The following STAT3 variants were observed in gnomAD, a reference collection of about 807,000 sequenced individuals.
The protein encoded by STAT3 is DNA-binding protein APRF.
STAT3 carries 7 observed loss-of-function variants against 114.3 expected under a neutral mutation model. That is an observed-to-expected ratio of 0.06 (90% confidence interval 0.03 to 0.11). The LOEUF (loss-of-function observed/expected upper bound fraction) is 0.11, where lower values mean the gene tolerates loss of function less well. Ranked by LOEUF, STAT3 falls within the 10% of genes least tolerant of loss-of-function variation. The pLI, the probability that STAT3 is intolerant of heterozygous loss-of-function variation, is 1.00. For synonymous variants in STAT3, 331 were observed against 354.5 expected (o/e 0.93, Z 0.74); for missense variants, 364 against 960.9 (o/e 0.38, Z 8.21).
Position 42,314,437 on chromosome 17 carries a change from C to T in STAT3, c.*1308G>A, listed in dbSNP as rs756528147. ...AAACAGGATGAGGGACCTTTAGACA[C>T]GCAAGGAGACATGCCTCTAGCAGGA... On this transcript the variant is annotated 3_prime_UTR_variant, in exon 24 of 24. Transcript: ENST00000264657. 8.9e-6 allele frequency: 2 copies of T among 223,516 alleles called. No homozygotes were observed. Among genetic ancestry groups the T allele is most frequent in the African/African-American group, 2.3e-5 (1 of 43,972 alleles). The allele number at this position is 223,516 out of a possible 1,614,324, so 13.8% of individuals were successfully genotyped here. A position where few individuals can be genotyped will look rare whatever the true frequency, so the allele number is the denominator to read the frequency against.
Position 42,346,823 on chromosome 17 carries a change from A to G in STAT3, c.129-110T>C, listed in dbSNP as rs1004677259. 9.8e-5 allele frequency: 141 copies of G among 1,432,120 alleles called. 1 individual carries two copies. In the Middle Eastern group the frequency reaches 4.9e-3, roughly 50 times the overall value. The allele number at this position is 1,432,120 out of a possible 1,614,324, so 88.7% of individuals were successfully genotyped here. ...AAAACAAAAAAACAAAGCAAACCTGATGCTATAACCCATTCATCATGTTAG... is the reference window on the plus strand; with the variant it reads ...AAAACAAAAAAACAAAGCAAACCTGGTGCTATAACCCATTCATCATGTTAG... On this transcript the variant is annotated intron_variant, in intron 2 of 23. Transcript: ENST00000264657.
intron 8 of STAT3, among the ~76,000 whole-genome samples, chr17:42,335,111 C>T (rs1450951810): frequency 6.6e-6 from 1 of 151,072 alleles, no homozygotes; most frequent in Non-Finnish European, 1.5e-5. Flanking sequence ...CTACATGAGC[C>T]CTTTCTTTTC....
intron 1 of STAT3, among the ~76,000 whole-genome samples, chr17:42,371,300 G>A (rs1033136898): frequency 5.9e-5 from 9 of 152,090 alleles, no homozygotes; most frequent in Non-Finnish European, 1.0e-4. Flanking sequence ...GCAGGATGCA[G>A]GAGCTGGGAG....
intron 1 of STAT3, among the ~76,000 whole-genome samples, chr17:42,370,875 C>T (rs959946492): frequency 2.0e-5 from 3 of 151,762 alleles, no homozygotes; most frequent in African/African-American, 4.8e-5. Flanking sequence ...TCCCAAAGTT[C>T]TGGGATTACA....
chr17:42,329,596 T>C lies in STAT3; in HGVS notation c.1191A>G (p.Glu397=), dbSNP rs1172945907. 1 of 1,614,264 alleles carries C rather than the reference T, an allele frequency of 6.2e-7. No individual in the cohort carries two copies. The highest frequency in any genetic ancestry group is 1.1e-5 in the South Asian group (1 of 91,092). ...LGTNTKVMNM[E]ESNNGSLSAE... is the part of the protein sequence containing the mutation. ...CAGAGAGGCTGCCGTTGTTGGATTC[T>C]TCCATGTTCATCACTTTTGTGTTTG... Residue 397 remains glutamate, a synonymous_variant, in exon 13 of 24, where the codon GAA becomes GAG. Coordinates refer to ENST00000264657, the MANE Select transcript of STAT3 (RefSeq NM_139276.3).
At chr17:42,327,908 T>C (rs1178193144) in intron 14 of STAT3, among the ~76,000 whole-genome samples, 4 of 151,976 alleles carry the variant, frequency 2.6e-5, no homozygotes, top group Non-Finnish European at 5.9e-5. Flanking sequence ...TAGCCAGGCG[T>C]GGTGGCATGC....
chr17:42,359,283 G>A (rs1332653814), intron 1 of STAT3, among the ~76,000 whole-genome samples: 2 of 152,060 alleles, frequency 1.3e-5, no homozygotes, highest in African/African-American at 2.4e-5. Context: ...TGGAAAGCAG[G>A]TTAATCCATC....
At chr17:42,339,892 T>C (rs2082369864) in intron 4 of STAT3, among the ~76,000 whole-genome samples, 1 of 152,104 alleles carries the variant, frequency 6.6e-6, no homozygotes, top group African/African-American at 2.4e-5. Flanking sequence ...AGGCTGGATG[T>C]AGCAGCTCAC....
chr17:42,330,219 T>C (rs917127811), intron 11 of STAT3, among the ~76,000 whole-genome samples: 1 of 150,218 alleles, frequency 6.7e-6, no homozygotes, highest in East Asian at 2.0e-4. Context: ...TGAGTTCAAG[T>C]GATTCTCCTG....
chr17:42,316,912 T>G lies in STAT3; in HGVS notation c.2145-11A>C, dbSNP rs1555562259. 5 of 1,581,330 alleles carry G rather than the reference T, an allele frequency of 3.2e-6. No individual in the cohort carries two copies. The highest frequency in any genetic ancestry group is 3.0e-5 in the African/African-American group (2 of 67,628). On this transcript the variant is annotated splice_polypyrimidine_tract_variant and intron_variant, in intron 22 of 23. Coordinates refer to ENST00000264657, the MANE Select transcript of STAT3 (RefSeq NM_139276.3). ...TTGCTGCAGGTCGTTCTGTAGGAAA[T>G]GGGGGGCAGCAGGAGGGGAAACGGG...
At position 42,333,664 on chromosome 17, in the gene STAT3, A is replaced by C. The variant is rs374408588; in HGVS notation, c.1049+9T>G. ...AATCTCTACTGGAAATGGAAGTGGC[A>C]TGGCCTACCTGACTTTAGTAGTGAA... On this transcript the variant is annotated intron_variant, in intron 10 of 23. Transcript: ENST00000264657. The surrounding 1 kb of genome is among the most constrained non-coding windows in gnomAD (Gnocchi z 5.2). 3.1e-6 allele frequency: 5 copies of C among 1,613,862 alleles called. No homozygotes were observed. In the African/African-American group the frequency reaches 6.7e-5, roughly 22 times the overall value.
chr17:42,355,057 A>T (rs2083164877), intron 1 of STAT3, among the ~76,000 whole-genome samples: 1 of 152,142 alleles, frequency 6.6e-6, no homozygotes, highest in South Asian at 2.1e-4. Flanking sequence ...GACTAGCCAA[A>T]GTGTCTAGGA....
chr17:42,317,966 T>G (rs2081316574), intron 21 of STAT3, among the ~76,000 whole-genome samples: 2 of 152,160 alleles, frequency 1.3e-5, no homozygotes, highest in Non-Finnish European at 2.9e-5. Context: ...TTGTTCTTAT[T>G]GTTTTGAGAC....
At chr17:42,363,241 T>C (rs1290633578) in intron 1 of STAT3, among the ~76,000 whole-genome samples, 2 of 152,202 alleles carry the variant, frequency 1.3e-5, no homozygotes, top group Admixed American at 6.5e-5. Context: ...GTTTTGCTGT[T>C]TGAAAAATTC....
At chr17:42,370,970 C>T (rs1598502448) in intron 1 of STAT3, among the ~76,000 whole-genome samples, 1 of 152,166 alleles carries the variant, frequency 6.6e-6, no homozygotes, top group East Asian at 1.9e-4. Flanking sequence ...GTTTTCAGGG[C>T]ATTTAGCCTA....
intron 21 of STAT3, among the ~76,000 whole-genome samples, chr17:42,320,326 A>T (rs1455646373): frequency 1.3e-5 from 2 of 152,182 alleles, no homozygotes; most frequent in African/African-American, 4.8e-5. Flanking sequence ...AATTCCTAGG[A>T]AAAAGTGGGA....
intron 14 of STAT3, 81 bp from the exon 15 acceptor site, chr17:42,326,280 G>A (rs2081718610): frequency 1.5e-6 from 2 of 1,312,286 alleles, no homozygotes; most frequent in Non-Finnish European, 2.2e-6. Flanking sequence ...GGCCAAGGCA[G>A]GAGGATTGCC....
intron 1 of STAT3, among the ~76,000 whole-genome samples, chr17:42,356,893 TTCTCATGCCTCAGCC>T (rs2083255274): frequency 6.6e-6 from 1 of 152,202 alleles, no homozygotes; most frequent in South Asian, 2.1e-4. Context: ...GTTCAAGTGA[TTCTCATGCCTCAGCC>T]TCTGGAGTAG....
chr17:42,377,130 C>T (rs879268062), intron 1 of STAT3, among the ~76,000 whole-genome samples: 17 of 152,240 alleles, frequency 1.1e-4, no homozygotes, highest in Non-Finnish European at 2.2e-4. Flanking sequence ...TTGGCTTCTT[C>T]CTGAGACACA....
Sources: allele counts gnomAD v4.1 joint callset (sites outside exome capture counted in the v4.1 genomes callset), GRCh38; gene constraint gnomAD v4.1.1; non-coding constraint Gnocchi (gnomAD v3.1); transcripts MANE v1.5; gene names NCBI Gene and HGNC (gene_info 2026-07-23, HGNC 2026-07-21).